Variants in PIK3CB observed in about 807,000 individuals in gnomAD.
PIK3CB encodes phosphatidylinositol 4,5-bisphosphate 3-kinase catalytic subunit beta isoform.
Under a neutral mutation model 136.8 loss-of-function variants are expected in PIK3CB, and 39 were observed. The ratio of observed to expected loss-of-function variants is 0.29; its 90% confidence interval spans 0.22 to 0.37. The LOEUF is 0.37. Among genes scored for constraint, PIK3CB ranks in the 10% least tolerant of loss-of-function variants. PIK3CB has a pLI of 1.00. For synonymous variants in PIK3CB, 428 were observed against 436.6 expected, an observed-to-expected ratio of 0.98 and a Z score of 0.25; for missense variants, 868 against 1,275.4, an observed-to-expected ratio of 0.68 and a Z score of 4.87.
intron 1 of PIK3CB, among the ~76,000 whole-genome samples, chr3:138,815,545 A>T (rs767289190): frequency 2.6e-5 from 4 of 152,106 alleles, no homozygotes; most frequent in African/African-American, 4.8e-5. Context: ...CAGTCCTGAA[A>T]AAAGAATAAA....
intron 2 of PIK3CB, chr3:138,778,913 C>A: frequency 6.5e-6 from 1 of 154,996 alleles, no homozygotes. Flanking sequence ...GAGAATCTCC[C>A]TTCCCAGACA....
At chr3:138,819,217 C>T (rs1276124524) in intron 1 of PIK3CB, among the ~76,000 whole-genome samples, 1 of 152,206 alleles carries the variant, frequency 6.6e-6, no homozygotes, top group African/African-American at 2.4e-5. Context: ...CGTGGTGGCA[C>T]GTGCCTGTAG....
intron 2 of PIK3CB, among the ~76,000 whole-genome samples, chr3:138,762,067 C>A (rs568184787): frequency 6.6e-6 from 1 of 150,978 alleles, no homozygotes; most frequent in South Asian, 2.1e-4. Flanking sequence ...ACTGACATGG[C>A]GAAACCCTGT....
intron 1 of PIK3CB, among the ~76,000 whole-genome samples, chr3:138,809,010 G>A (rs926346385): frequency 2.0e-5 from 3 of 151,994 alleles, no homozygotes; most frequent in African/African-American, 7.2e-5. Flanking sequence ...TTCTGGCCGG[G>A]CACGGTGGCT....
chr3:138,676,482 T>A (rs962561419), intron 19 of PIK3CB, among the ~76,000 whole-genome samples: 6 of 152,208 alleles, frequency 3.9e-5, no homozygotes, highest in African/African-American at 1.4e-4. Flanking sequence ...ACCAAAAGAA[T>A]TTAAAACACA....
Position 138,694,385 on chromosome 3 carries a change from T to C in PIK3CB, c.1892+401A>G, listed in dbSNP as rs1577082782. 2.6e-5 allele frequency among the ~76,000 whole-genome samples: 4 copies of C among 152,134 alleles called. No homozygotes were observed. The South Asian group carries it at 8.3e-4, about 32-fold the overall frequency. ...TCACTCCTGATAGAAATAAAAGTGT[T>C]TGGGGTGACTTCACTGGAAAAGAAC... is the stretch of plus-strand genomic sequence containing the variant. On this transcript the variant is annotated intron_variant, in intron 14 of 23. Transcript: ENST00000674063.
At chr3:138,690,910 T>C (rs1379417967) in intron 15 of PIK3CB, 90 bp downstream of exon 15, 1 of 1,043,810 alleles carries the variant, frequency 9.6e-7, no homozygotes, top group Admixed American at 2.3e-5. Flanking sequence ...AGAAAAAAAC[T>C]AAAGCAGCTA....
chr3:138,822,625 T>C (rs995045619), intron 1 of PIK3CB, among the ~76,000 whole-genome samples: 7 of 148,828 alleles, frequency 4.7e-5, no homozygotes, highest in Admixed American at 6.8e-5. Flanking sequence ...GTGGATCACC[T>C]GAGGTCAGGA....
intron 6 of PIK3CB, among the ~76,000 whole-genome samples, chr3:138,737,394 C>CAAAAAAAAAAAAAAAAAAAAAAAA (rs11344311): frequency 2.6e-5 from 1 of 39,076 alleles, no homozygotes; most frequent in African/African-American, 1.1e-4. Context: ...CACTCTGTCT[C>CAAAAAAAAAAAAAAAAAAAAAAAA]AAAAAAAAAA....
rs192174292 is a variant in PIK3CB, at chr3:138,664,154, T to A, written c.2673-125A>T. On this transcript the variant is annotated intron_variant, in intron 20 of 23. Coordinates refer to ENST00000674063, the MANE Select transcript of PIK3CB (RefSeq NM_006219.3). ...AGAACACAGAGCTGCCAAAACCGTA[T>A]GAGAGAACATGTGGATCAGCCAAGG... is the stretch of plus-strand genomic sequence containing the variant. The A allele has an allele frequency of 1.7e-4, 185 of 1,074,188 alleles. No homozygotes were observed. The African/African-American group carries it at 2.8e-3, about 16-fold the overall frequency. 66.5% of individuals were successfully genotyped at this position (1,074,188 alleles called of 1,614,324 possible).
At chr3:138,680,554 A>C (rs2043750884) in intron 19 of PIK3CB, among the ~76,000 whole-genome samples, 1 of 152,154 alleles carries the variant, frequency 6.6e-6, no homozygotes, top group Admixed American at 6.5e-5. Context: ...AAAGAGTATA[A>C]ATTAACTTCA....
At chr3:138,724,028 T>G (rs2044786408) in intron 8 of PIK3CB, among the ~76,000 whole-genome samples, 1 of 152,174 alleles carries the variant, frequency 6.6e-6, no homozygotes, top group South Asian at 2.1e-4. Context: ...TCTCCAACTC[T>G]CTGGACACCA....
At chr3:138,832,895 T>C (rs148393232) in intron 1 of PIK3CB, among the ~76,000 whole-genome samples, 1 of 141,954 alleles carries the variant, frequency 7.0e-6, no homozygotes, top group African/African-American at 2.6e-5. Context: ...CCCTGTAGTC[T>C]CAGCCACTAG....
intron 3 of PIK3CB, among the ~76,000 whole-genome samples, chr3:138,756,434 T>C (rs752912747): frequency 6.6e-6 from 1 of 152,050 alleles, no homozygotes; most frequent in South Asian, 2.1e-4. Flanking sequence ...CAAAAAAAAA[T>C]TTTAATTTAA....
In PIK3CB at chr3:138,684,825, C is replaced by T. The variant is rs3730060; in HGVS notation, c.2137-22G>A. ...CAACCTGAAAAATAAGTTCCCCACA[C>T]CAAAAATTCATTTGACTAAAAGTAA... On this transcript the variant is annotated intron_variant, in intron 16 of 23. Transcript: ENST00000674063. The T allele has an allele frequency of 1.8e-3, 2,885 of 1,576,202 alleles. 54 individuals carry two copies. The African/African-American group carries it at 0.029, about 16-fold the overall frequency.
intron 19 of PIK3CB, among the ~76,000 whole-genome samples, chr3:138,679,874 G>A (rs930552554): frequency 5.4e-5 from 8 of 147,676 alleles, no homozygotes; most frequent in Non-Finnish European, 8.9e-5. Context: ...GATTACAGGC[G>A]TAAGCCACTG....
In PIK3CB at chr3:138,734,732, T is replaced by C. The variant is rs2108645032; in HGVS notation, c.874A>G (p.Met292Val). The change falls in exon 7 of 24, where the codon ATG (methionine) becomes GTG (valine). Residue 292 changes from methionine (M) to valine (V), a missense_variant. Met to Val is a conservative substitution (Grantham distance 21). This residue lies in a region of PIK3CB where 612 missense variants were observed against 801.1 expected (regional missense o/e 0.76). Transcript: ENST00000674063. The part of the protein sequence containing the change: ...ILVECCKIKK[M>V]YEQEMIAIEA... The stretch of plus-strand genomic sequence containing the variant: ...ATGGCAATCATTTCTTGTTCATACA[T>C]TTTCTTGATCTTGCAGCATTCCACA... The C allele has an allele frequency of 6.2e-7, 1 of 1,613,434 alleles. No individual in the cohort carries two copies. The highest frequency in any genetic ancestry group is 8.5e-7 in the Non-Finnish European group (1 of 1,179,508).
intron 4 of PIK3CB, among the ~76,000 whole-genome samples, chr3:138,748,086 T>C (rs949979617): frequency 2.0e-5 from 3 of 152,042 alleles, no homozygotes; most frequent in Non-Finnish European, 2.9e-5. Context: ...CATTCTAGTA[T>C]AGTTTTGTTG....
chr3:138,834,437 T>G (rs890827647), intron 1 of PIK3CB, among the ~76,000 whole-genome samples: 1 of 152,186 alleles, frequency 6.6e-6, no homozygotes, highest in African/African-American at 2.4e-5. Context: ...GCAGCGTCTC[T>G]GCCGCCCAGG....
Sources: allele counts gnomAD v4.1 joint callset (sites outside exome capture counted in the v4.1 genomes callset), GRCh38; gene constraint gnomAD v4.1.1; regional missense constraint gnomAD v4.1.1; transcripts MANE v1.5; gene names NCBI Gene and HGNC (gene_info 2026-07-23, HGNC 2026-07-21).